Variants in MMP16 observed in about 807,000 individuals in gnomAD.
The protein encoded by MMP16 is matrix metallopeptidase 16.
In MMP16, 12 loss-of-function variants were observed where a neutral mutation model predicts 67.8. That is an observed-to-expected ratio of 0.18 (90% CI 0.11 to 0.29). MMP16 has a LOEUF of 0.29. Ranked by LOEUF, MMP16 falls within the 10% of genes least tolerant of loss-of-function variation. MMP16 has a pLI of 1.00. For synonymous variants in MMP16, 249 were observed against 255.9 expected, an observed-to-expected ratio of 0.97 and a Z score of 0.26; for missense variants, 475 against 765.7, an observed-to-expected ratio of 0.62 and a Z score of 4.48.
intron 7 of MMP16, among the ~76,000 whole-genome samples, chr8:88,073,803 T>G (rs1808601798): frequency 6.6e-6 from 1 of 152,120 alleles, no homozygotes; most frequent in African/African-American, 2.4e-5. Context: ...TCTATTCCTG[T>G]ATAAGCTTAT....
chr8:88,300,452 A>T (rs1011694985), intron 1 of MMP16, among the ~76,000 whole-genome samples: 7 of 152,150 alleles, frequency 4.6e-5, no homozygotes, highest in Non-Finnish European at 8.8e-5. Context: ...CGTGAATCCA[A>T]CGTATTCATA....
intron 4 of MMP16, 101 bp from the exon 5 acceptor site, chr8:88,118,962 G>A (rs1809483458): frequency 1.8e-6 from 2 of 1,104,102 alleles, no homozygotes; most frequent in African/African-American, 1.6e-5. Flanking sequence ...AGAAAAATAG[G>A]AGGTACTCTT....
chr8:88,165,101 A>G (rs999042846), intron 4 of MMP16, among the ~76,000 whole-genome samples: 2 of 150,576 alleles, frequency 1.3e-5, no homozygotes, highest in Non-Finnish European at 3.0e-5. Context: ...CCAGCAACTC[A>G]GGAAGTTAAG....
intron 1 of MMP16, among the ~76,000 whole-genome samples, chr8:88,286,487 C>A (rs191363787): frequency 6.6e-6 from 1 of 152,186 alleles, no homozygotes; most frequent in Admixed American, 6.5e-5. Context: ...CCAAATCAAA[C>A]TCCTAATAAA....
chr8:88,107,809 T>C (rs537339089), intron 6 of MMP16, among the ~76,000 whole-genome samples: 84 of 151,232 alleles, frequency 5.6e-4, no homozygotes, highest in African/African-American at 1.9e-3. Flanking sequence ...ACAAAAAACA[T>C]AAATACACTT....
At chr8:88,073,712 G>A (rs547055964) in intron 7 of MMP16, among the ~76,000 whole-genome samples, 1 of 152,212 alleles carries the variant, frequency 6.6e-6, no homozygotes, top group South Asian at 2.1e-4. Flanking sequence ...GCTATTGTAA[G>A]CACCATAGCA....
chr8:88,263,991 T>TCA (rs1810432169), intron 1 of MMP16, among the ~76,000 whole-genome samples: 1 of 142,266 alleles, frequency 7.0e-6, no homozygotes, highest in African/African-American at 2.6e-5. Flanking sequence ...AGAGAGAGTG[T>TCA]GTGTGTGTGT....
intron 1 of MMP16, among the ~76,000 whole-genome samples, chr8:88,283,263 T>C (rs562865631): frequency 7.2e-5 from 11 of 152,340 alleles, no homozygotes; most frequent in Admixed American, 2.0e-4. Context: ...TTATTTGGCT[T>C]TCTTTTCTTT....
At chr8:88,243,350 A>T (rs532763853) in intron 1 of MMP16, among the ~76,000 whole-genome samples, 1 of 152,296 alleles carries the variant, frequency 6.6e-6, no homozygotes, top group African/African-American at 2.4e-5. Context: ...AGTGAGCCAC[A>T]GGGAAGGGAG....
At chr8:88,113,212 T>C (rs977245343) in intron 6 of MMP16, among the ~76,000 whole-genome samples, 1 of 151,716 alleles carries the variant, frequency 6.6e-6, no homozygotes, top group African/African-American at 2.4e-5. Context: ...AGACAGAAAT[T>C]AATAACACAC....
At chr8:88,117,694 T>C (rs1809459386) in intron 5 of MMP16, among the ~76,000 whole-genome samples, 1 of 152,046 alleles carries the variant, frequency 6.6e-6, no homozygotes, top group Non-Finnish European at 1.5e-5. Context: ...ACTGACCTTT[T>C]TTTACAAATC....
chr8:88,051,345 G>C (rs534922475), intron 8 of MMP16, among the ~76,000 whole-genome samples: 3 of 152,210 alleles, frequency 2.0e-5, no homozygotes, highest in South Asian at 4.2e-4. Flanking sequence ...CAACCATTTG[G>C]GGGGTTTAAA....
chr8:88,317,678 G>A (rs935814211), intron 1 of MMP16, among the ~76,000 whole-genome samples: 8 of 152,184 alleles, frequency 5.3e-5, no homozygotes, highest in African/African-American at 1.9e-4. Flanking sequence ...AAATCAGCTA[G>A]ATTTTTACCT....
intron 2 of MMP16, among the ~76,000 whole-genome samples, chr8:88,196,301 C>G (rs1809250918): frequency 6.6e-6 from 1 of 152,070 alleles, no homozygotes; most frequent in Non-Finnish European, 1.5e-5. Flanking sequence ...ATTTTTCCCT[C>G]TACTGAAAAA....
At position 88,041,371 on chromosome 8, in the gene MMP16, C is replaced by A; in HGVS notation, c.*90G>T. 7.3e-7 allele frequency: 1 copy of A among 1,370,668 alleles called. No homozygotes were observed. Among genetic ancestry groups the A allele is most frequent in the Non-Finnish European group, 1.0e-6 (1 of 992,654 alleles). The allele number at this position is 1,370,668 out of a possible 1,614,324, so 84.9% of individuals were successfully genotyped here. ...CGAATCAGGCTGCCACAAGCCTGCTCCTAGCTAGGAAACAGCATAACAGCT... is the reference window on the plus strand; with the variant it reads ...CGAATCAGGCTGCCACAAGCCTGCTACTAGCTAGGAAACAGCATAACAGCT... On this transcript the variant is annotated 3_prime_UTR_variant, in exon 10 of 10. Coordinates refer to ENST00000286614, the MANE Select transcript of MMP16 (RefSeq NM_005941.5). This position sits in a 1 kb window ranked among gnomAD's most constrained non-coding sequence, Gnocchi z 6.0.
At chr8:88,163,017 T>C (rs1808655660) in intron 4 of MMP16, among the ~76,000 whole-genome samples, 1 of 152,076 alleles carries the variant, frequency 6.6e-6, no homozygotes, top group African/African-American at 2.4e-5. Flanking sequence ...TCAAATTTTG[T>C]AGGCCTCTAA....
At chr8:88,043,675 C>G (rs923435586) in intron 9 of MMP16, among the ~76,000 whole-genome samples, 2 of 152,148 alleles carry the variant, frequency 1.3e-5, no homozygotes, top group East Asian at 3.9e-4. Flanking sequence ...TCGTTCTGTT[C>G]AATGCCATGA....
intron 9 of MMP16, among the ~76,000 whole-genome samples, chr8:88,043,489 G>T (rs146298528): frequency 6.6e-6 from 1 of 152,104 alleles, no homozygotes; most frequent in African/African-American, 2.4e-5. Flanking sequence ...CTCCATGTTG[G>T]TCAGGCTAGT....
chr8:88,065,033 CAG>C (rs1808446279), intron 7 of MMP16, among the ~76,000 whole-genome samples: 1 of 152,112 alleles, frequency 6.6e-6, no homozygotes, highest in African/African-American at 2.4e-5. Flanking sequence ...CTGATCACAG[CAG>C]AGTACTAAAG....
Sources: allele counts gnomAD v4.1 joint callset (sites outside exome capture counted in the v4.1 genomes callset), GRCh38; gene constraint gnomAD v4.1.1; non-coding constraint Gnocchi (gnomAD v3.1); transcripts MANE v1.5; gene names NCBI Gene and HGNC (gene_info 2026-07-23, HGNC 2026-07-21).